The following FHIT variants were observed in gnomAD, a reference collection of about 807,000 sequenced individuals.
FHIT encodes the protein fragile histidine triad diadenosine triphosphatase.
Under a neutral mutation model 17.9 loss-of-function variants are expected in FHIT, and 19 were observed. That is an observed-to-expected ratio of 1.06 (90% CI 0.74 to 1.56). The LOEUF is 1.56. FHIT is among the 40% of genes most tolerant of loss of function. FHIT has a pLI of 0.00. For synonymous variants in FHIT, 81 were observed against 69.7 expected (o/e 1.16, Z -0.81); for missense variants, 248 against 189.2 (o/e 1.31, Z -1.82).
intron 5 of FHIT, among the ~76,000 whole-genome samples, chr3:60,313,630 G>C (rs968254742): frequency 6.6e-6 from 1 of 152,156 alleles, no homozygotes; most frequent in Non-Finnish European, 1.5e-5. Flanking sequence ...ATTCCACAAA[G>C]CTTTTTAAGT....
intron 3 of FHIT, among the ~76,000 whole-genome samples, chr3:60,953,079 G>T (rs1166653353): frequency 1.3e-5 from 2 of 152,142 alleles, no homozygotes; most frequent in African/African-American, 4.8e-5. Flanking sequence ...CATCTTGAAA[G>T]CTGAAAGTTC....
chr3:60,955,354 G>C (rs1170782258), intron 3 of FHIT, among the ~76,000 whole-genome samples: 2 of 151,912 alleles, frequency 1.3e-5, no homozygotes, highest in Non-Finnish European at 2.9e-5. Flanking sequence ...CTCAGTAAGT[G>C]GGTTACAAGT....
chr3:59,997,176 C>T (rs1699547894), intron 7 of FHIT, among the ~76,000 whole-genome samples: 1 of 151,974 alleles, frequency 6.6e-6, no homozygotes, highest in Admixed American at 6.6e-5. Flanking sequence ...AATAGAGAAC[C>T]CTGAGATGGG....
intron 5 of FHIT, among the ~76,000 whole-genome samples, chr3:60,204,638 G>A (rs1485708685): frequency 1.3e-5 from 2 of 151,956 alleles, no homozygotes; most frequent in Non-Finnish European, 2.9e-5. Context: ...CAATAAAAAT[G>A]AAAAGATGCT....
chr3:60,577,044 A>C (rs2037592603), intron 4 of FHIT, among the ~76,000 whole-genome samples: 1 of 152,050 alleles, frequency 6.6e-6, no homozygotes, highest in African/African-American at 2.4e-5. Context: ...TAAAATAGAG[A>C]TCTAATTATG....
intron 5 of FHIT, among the ~76,000 whole-genome samples, chr3:60,350,279 T>G (rs1039877017): frequency 6.6e-6 from 1 of 152,096 alleles, no homozygotes; most frequent in Non-Finnish European, 1.5e-5. Context: ...AGTGTACATG[T>G]GTACTTGGCT....
intron 3 of FHIT, among the ~76,000 whole-genome samples, chr3:60,882,510 ACATTC>A (rs1234932976): frequency 6.6e-6 from 1 of 152,294 alleles, no homozygotes; most frequent in Admixed American, 6.5e-5. Context: ...ATTAAAAAGA[ACATTC>A]ACCATGATCA....
chr3:61,115,239 T>C (rs1473448429), intron 2 of FHIT, among the ~76,000 whole-genome samples: 1 of 152,036 alleles, frequency 6.6e-6, no homozygotes, highest in Non-Finnish European at 1.5e-5. Flanking sequence ...TAATTGGAAA[T>C]AAGTGAAAAG....
intron 1 of FHIT, among the ~76,000 whole-genome samples, chr3:61,208,686 C>A (rs1476500678): frequency 6.6e-6 from 1 of 151,876 alleles, no homozygotes; most frequent in Non-Finnish European, 1.5e-5. Flanking sequence ...TTCCTCCATC[C>A]CTTTATTTTG....
chr3:60,752,966 G>T (rs554746012), intron 4 of FHIT, among the ~76,000 whole-genome samples: 3 of 152,282 alleles, frequency 2.0e-5, no homozygotes, highest in Non-Finnish European at 4.4e-5. Flanking sequence ...ACTTTCGACA[G>T]CCCTAAGAGA....
At chr3:60,054,181 T>C (rs965468631) in intron 5 of FHIT, among the ~76,000 whole-genome samples, 2 of 152,180 alleles carry the variant, frequency 1.3e-5, no homozygotes, top group African/African-American at 4.8e-5. Flanking sequence ...TTGGATTAGA[T>C]TCAAATTTCT....
intron 5 of FHIT, among the ~76,000 whole-genome samples, chr3:60,340,086 T>C (rs1408060380): frequency 1.3e-5 from 2 of 152,058 alleles, no homozygotes; most frequent in Admixed American, 1.3e-4. Flanking sequence ...TTTTTTTAAG[T>C]TTTCTTCTCT....
At chr3:60,074,216 C>A (rs141997528) in intron 5 of FHIT, among the ~76,000 whole-genome samples, 1 of 152,054 alleles carries the variant, frequency 6.6e-6, no homozygotes, top group Admixed American at 6.6e-5. Flanking sequence ...CCACCAAGTA[C>A]TGGGGACAGT....
At chr3:59,943,411 GGAA>G (rs928680958) in intron 7 of FHIT, among the ~76,000 whole-genome samples, 3 of 152,122 alleles carry the variant, frequency 2.0e-5, no homozygotes, top group African/African-American at 7.2e-5. Flanking sequence ...GGACAAAAGA[GGAA>G]GAAGAACATG....
chr3:60,163,711 G>A (rs780039000), intron 5 of FHIT, among the ~76,000 whole-genome samples: 76 of 152,136 alleles, frequency 5.0e-4, no homozygotes, highest in Non-Finnish European at 8.5e-4. Context: ...ATTCTTTGTT[G>A]TGGGGTCTGC....
At position 61,016,890 on chromosome 3, in the gene FHIT, G is replaced by T. The variant is rs139893676; in HGVS notation, c.-111+25157C>A. On this transcript the variant is annotated intron_variant, in intron 3 of 9. Transcript: ENST00000492590. The stretch of plus-strand genomic sequence containing the variant: ...CACAGACAGAAATAACAAAATGGGT[G>T]TATATGTCCAGGTTTCTCCACAAAA... 3.8e-3 allele frequency among the ~76,000 whole-genome samples: 578 copies of T among 152,350 alleles called. 5 individuals carry two copies. The highest frequency in any genetic ancestry group is 0.013 in the African/African-American group (532 of 41,584).
intron 5 of FHIT, among the ~76,000 whole-genome samples, chr3:60,142,120 T>C (rs1700061585): frequency 6.6e-6 from 1 of 152,148 alleles, no homozygotes; most frequent in East Asian, 1.9e-4. Flanking sequence ...AGCATATCAA[T>C]AGGAAAGCAG....
At chr3:60,881,132 G>A (rs1042213393) in intron 3 of FHIT, among the ~76,000 whole-genome samples, 3 of 152,116 alleles carry the variant, frequency 2.0e-5, no homozygotes, top group African/African-American at 7.2e-5. Flanking sequence ...AATAAAAAGC[G>A]AGCAGGAGTA....
intron 4 of FHIT, among the ~76,000 whole-genome samples, chr3:60,740,218 T>C (rs2042214288): frequency 6.6e-6 from 1 of 152,162 alleles, no homozygotes; most frequent in Admixed American, 6.5e-5. Context: ...AGGACAATCT[T>C]ATGAGGTGGT....
Sources: allele counts gnomAD v4.1 joint callset (sites outside exome capture counted in the v4.1 genomes callset), GRCh38; gene constraint gnomAD v4.1.1; transcripts MANE v1.5; gene names NCBI Gene and HGNC (gene_info 2026-07-23, HGNC 2026-07-21).